Variants in CNTN5 observed in about 807,000 individuals in gnomAD.
CNTN5 encodes contactin 5.
In CNTN5, 77 loss-of-function variants were observed where a neutral mutation model predicts 129.1. The ratio of observed to expected loss-of-function variants is 0.60; its 90% CI spans 0.50 to 0.72. The LOEUF (loss-of-function observed/expected upper bound fraction) is 0.72, where lower values mean the gene tolerates loss of function less well. CNTN5 is among the 30% of genes least tolerant of loss of function. The pLI, the probability that CNTN5 is intolerant of heterozygous loss-of-function variation, is 0.00. For missense variants in CNTN5, 1,478 were observed against 1,328.8 expected (o/e 1.11, Z -1.75); for synonymous variants, 509 against 465.6 (o/e 1.09, Z -1.20).
At chr11:100,276,569 G>C (rs1309926790) in intron 18 of CNTN5, among the ~76,000 whole-genome samples, 7 of 146,232 alleles carry the variant, frequency 4.8e-5, no homozygotes, top group African/African-American at 7.5e-5. Context: ...AAACACTCTT[G>C]ATAGTCAGCA....
At chr11:99,117,385 A>G (rs1422420721) in intron 1 of CNTN5, among the ~76,000 whole-genome samples, 1 of 152,146 alleles carries the variant, frequency 6.6e-6, no homozygotes, top group Non-Finnish European at 1.5e-5. Flanking sequence ...CTACCCAAGG[A>G]TGACCACAAT....
chr11:99,869,528 C>A (rs936630678), intron 6 of CNTN5, among the ~76,000 whole-genome samples: 2 of 152,140 alleles, frequency 1.3e-5, no homozygotes, highest in Admixed American at 6.5e-5. Context: ...CTTCAACTAT[C>A]CACTGCCTAA....
intron 9 of CNTN5, among the ~76,000 whole-genome samples, chr11:100,044,026 C>G (rs1203281712): frequency 6.6e-6 from 1 of 151,748 alleles, no homozygotes; most frequent in Non-Finnish European, 1.5e-5. Context: ...TTTCTTATCC[C>G]TCACCTTTCT....
chr11:100,020,264 G>A (rs1401126936), intron 9 of CNTN5, among the ~76,000 whole-genome samples: 1 of 151,908 alleles, frequency 6.6e-6, no homozygotes, highest in Non-Finnish European at 1.5e-5. Context: ...TACAGTTTTA[G>A]GTCTTACATT....
At position 100,191,243 on chromosome 11, in the gene CNTN5, A is replaced by C. The variant is rs755802911; in HGVS notation, c.1698A>C (p.Leu566=). The C allele has an allele frequency of 1.9e-6, 3 of 1,612,328 alleles. No individual in the cohort carries two copies. The highest frequency in any genetic ancestry group is 2.5e-6 in the Non-Finnish European group (3 of 1,179,028). The change falls in exon 14 of 25, where the codon CTA becomes CTC. Residue 566 remains leucine (L), a synonymous_variant. Transcript: ENST00000524871. ...GTTCTGCTGAAATTATAGCTTCGCTATCTGTAAAAGGTAAGACAGCACGGG... is the reference window on the plus strand; with the variant it reads ...GTTCTGCTGAAATTATAGCTTCGCTCTCTGTAAAAGGTAAGACAGCACGGG... ...VFGSAEIIAS[L]SVKEPTRIEL... is the part of the protein sequence containing the mutation.
chr11:100,118,392 A>G (rs532590167), intron 13 of CNTN5, among the ~76,000 whole-genome samples: 5 of 152,030 alleles, frequency 3.3e-5, no homozygotes, highest in South Asian at 2.1e-4. Flanking sequence ...TCGTTACACT[A>G]TAGTTTCTTT....
At chr11:100,067,012 C>T (rs1023814829) in intron 10 of CNTN5, among the ~76,000 whole-genome samples, 1 of 151,782 alleles carries the variant, frequency 6.6e-6, no homozygotes, top group African/African-American at 2.4e-5. Flanking sequence ...AAAAATTTTA[C>T]CACTGCCCTT....
At chr11:99,551,483 G>A (rs1051733810) in intron 2 of CNTN5, among the ~76,000 whole-genome samples, 23 of 152,256 alleles carry the variant, frequency 1.5e-4, no homozygotes, top group African/African-American at 5.5e-4. Flanking sequence ...ATGTCCTAGA[G>A]ATTGTGTAGG....
In CNTN5 at chr11:99,980,862, A is replaced by G. The variant is rs114878246; in HGVS notation, c.878-21172A>G. Among the ~76,000 whole-genome samples, 509 of 151,986 alleles carry G rather than the reference A, an allele frequency of 3.3e-3. 4 individuals carry two copies. Among genetic ancestry groups the G allele is most frequent in the African/African-American group, 0.012 (487 of 41,498 alleles). On this transcript the variant is annotated intron_variant, in intron 8 of 24. Coordinates refer to ENST00000524871, the MANE Select transcript of CNTN5 (RefSeq NM_014361.4). Reference sequence around the variant, plus strand: ...CTTTGTGATTTCTTCATCCTCATTAACAGGCTTAAGATAGAATTTCATTTT... The same window carrying G: ...CTTTGTGATTTCTTCATCCTCATTAGCAGGCTTAAGATAGAATTTCATTTT...
At chr11:99,536,803 A>G (rs762671647) in intron 2 of CNTN5, among the ~76,000 whole-genome samples, 42 of 151,570 alleles carry the variant, frequency 2.8e-4, no homozygotes, top group Non-Finnish European at 3.2e-4. Context: ...ATACAAAAAG[A>G]GTCACAAAAA....
intron 2 of CNTN5, among the ~76,000 whole-genome samples, chr11:99,412,140 A>G (rs1000609532): frequency 6.6e-6 from 1 of 152,194 alleles, no homozygotes; most frequent in Non-Finnish European, 1.5e-5. Context: ...TGATTTTTAT[A>G]TAGAAGAAAT....
intron 3 of CNTN5, among the ~76,000 whole-genome samples, chr11:99,715,304 G>T (rs543400936): frequency 3.0e-4 from 46 of 151,904 alleles, no homozygotes; most frequent in African/African-American, 1.1e-3. Flanking sequence ...CTGAGTAACA[G>T]CAGCAGAACT....
chr11:99,290,119 A>G (rs1864107190), intron 1 of CNTN5, among the ~76,000 whole-genome samples: 1 of 151,744 alleles, frequency 6.6e-6, no homozygotes, highest in African/African-American at 2.4e-5. Context: ...ACCCCCCCAA[A>G]ATAAAATAAA....
At chr11:100,229,287 C>G (rs922322557) in intron 16 of CNTN5, among the ~76,000 whole-genome samples, 1 of 152,178 alleles carries the variant, frequency 6.6e-6, no homozygotes, top group Admixed American at 6.5e-5. Flanking sequence ...ATTTATGTTT[C>G]TATTTGAATT....
intron 1 of CNTN5, among the ~76,000 whole-genome samples, chr11:99,159,266 T>C (rs1482681292): frequency 1.3e-5 from 2 of 152,206 alleles, no homozygotes; most frequent in South Asian, 2.1e-4. Flanking sequence ...AGTTACATTA[T>C]AGTTTATTAC....
chr11:99,987,542 T>TATAC (rs900439609), intron 8 of CNTN5, among the ~76,000 whole-genome samples: 31 of 144,156 alleles, frequency 2.2e-4, no homozygotes, highest in Admixed American at 3.5e-4. Context: ...TATATATATA[T>TATAC]ACACATACAC....
intron 1 of CNTN5, among the ~76,000 whole-genome samples, chr11:99,060,138 C>G (rs767202431): frequency 6.6e-6 from 1 of 151,840 alleles, no homozygotes; most frequent in Non-Finnish European, 1.5e-5. Context: ...CATATTATAC[C>G]AGTAAATGTG....
At position 100,061,520 on chromosome 11, in the gene CNTN5, A is replaced by G. The variant is rs1034240514; in HGVS notation, c.1162+127A>G. 23 of 650,186 alleles carry G rather than the reference A, an allele frequency of 3.5e-5. No homozygotes were observed. The African/African-American group carries it at 4.0e-4, about 11-fold the overall frequency. 40.3% of individuals were successfully genotyped at this position (650,186 alleles called of 1,614,324 possible). A position where few individuals can be genotyped will look rare whatever the true frequency, so the allele number is the denominator to read the frequency against. ...AAGTAATAATTTATAATCATACTTC[A>G]TTCGTATGGTAAGGCATCATGTCAA... On this transcript the variant is annotated intron_variant, in intron 10 of 24. Coordinates refer to ENST00000524871, the MANE Select transcript of CNTN5 (RefSeq NM_014361.4).
At chr11:99,312,302 A>G (rs1316432663) in intron 1 of CNTN5, among the ~76,000 whole-genome samples, 3 of 152,148 alleles carry the variant, frequency 2.0e-5, no homozygotes, top group Non-Finnish European at 4.4e-5. Flanking sequence ...AAGACAACAT[A>G]TGTTCCTCTA....
Sources: allele counts gnomAD v4.1 joint callset (sites outside exome capture counted in the v4.1 genomes callset), GRCh38; gene constraint gnomAD v4.1.1; transcripts MANE v1.5; gene names NCBI Gene and HGNC (gene_info 2026-07-23, HGNC 2026-07-21).